The following MSRA variants were observed in gnomAD, a reference collection of about 807,000 sequenced individuals.
MSRA encodes mitochondrial peptide methionine sulfoxide reductase.
Under a neutral mutation model 31.3 loss-of-function variants are expected in MSRA, and 54 were observed. That is an observed-to-expected ratio of 1.73 (90% confidence interval 1.39 to 2.17). The LOEUF is 2.17. Among genes scored for constraint, MSRA ranks in the 30% most tolerant of loss-of-function variants. The pLI, the probability that MSRA is intolerant of heterozygous loss-of-function variation, is 0.00. For synonymous variants in MSRA, 169 were observed against 116.5 expected, an observed-to-expected ratio of 1.45 and a Z score of -2.90; for missense variants, 507 against 300.9, an observed-to-expected ratio of 1.69 and a Z score of -5.07.
intron 5 of MSRA, among the ~76,000 whole-genome samples, chr8:10,375,078 C>G (rs1437812062): frequency 6.6e-6 from 1 of 152,154 alleles, no homozygotes; most frequent in Non-Finnish European, 1.5e-5. Flanking sequence ...CCTGCAGAAC[C>G]GTGAGCCAAA....
chr8:10,365,392 G>T (rs1397132104), intron 5 of MSRA, among the ~76,000 whole-genome samples: 1 of 151,838 alleles, frequency 6.6e-6, no homozygotes, highest in Non-Finnish European at 1.5e-5. Context: ...TCCAAAGTCA[G>T]AATTTACATT....
At chr8:10,230,188 G>C (rs1811346163) in intron 2 of MSRA, among the ~76,000 whole-genome samples, 3 of 152,216 alleles carry the variant, frequency 2.0e-5, no homozygotes, top group African/African-American at 7.2e-5. Context: ...GGGGTTACAG[G>C]GAAGCCAGCA....
chr8:10,176,887 T>C (rs1249815328), intron 1 of MSRA, among the ~76,000 whole-genome samples: 19 of 152,326 alleles, frequency 1.2e-4, no homozygotes, highest in Non-Finnish European at 5.9e-5. Flanking sequence ...ACCTGTATCA[T>C]TCTTCTTGTC....
chr8:10,296,517 G>T (rs1800551581), intron 3 of MSRA, among the ~76,000 whole-genome samples: 1 of 152,200 alleles, frequency 6.6e-6, no homozygotes, highest in Non-Finnish European at 1.5e-5. Flanking sequence ...TAAACTCTGT[G>T]TTGGAATGAT....
chr8:10,174,404 CTA>C (rs1805860195), intron 1 of MSRA, among the ~76,000 whole-genome samples: 1 of 152,074 alleles, frequency 6.6e-6, no homozygotes, highest in South Asian at 2.1e-4. Context: ...GGGAGCAAGT[CTA>C]TGTGTTTGGT....
chr8:10,396,269 C>T (rs1422131503), intron 5 of MSRA, among the ~76,000 whole-genome samples: 1 of 152,228 alleles, frequency 6.6e-6, no homozygotes, highest in Non-Finnish European at 1.5e-5. Flanking sequence ...TGCACTGTCT[C>T]TTCCTCTCCA....
intron 1 of MSRA, among the ~76,000 whole-genome samples, chr8:10,172,454 G>T (rs1022053232): frequency 6.6e-6 from 1 of 152,154 alleles, no homozygotes; most frequent in African/African-American, 2.4e-5. Flanking sequence ...CAGGGCAGGG[G>T]AGGGGGAGGC....
chr8:10,121,934 G>A (rs1023570167), intron 1 of MSRA, among the ~76,000 whole-genome samples: 1 of 151,654 alleles, frequency 6.6e-6, no homozygotes, highest in Non-Finnish European at 1.5e-5. Context: ...TCCTTCCTTG[G>A]GCTCCCAAAG....
At chr8:10,422,739 G>C (rs796663077) in intron 5 of MSRA, among the ~76,000 whole-genome samples, 35 of 152,296 alleles carry the variant, frequency 2.3e-4, no homozygotes, top group African/African-American at 7.9e-4. Context: ...AGCCCTGGGG[G>C]TACCTGGCCC....
chr8:10,342,029 T>A (rs1366051562), intron 5 of MSRA, among the ~76,000 whole-genome samples: 2 of 152,192 alleles, frequency 1.3e-5, no homozygotes, highest in Non-Finnish European at 2.9e-5. Context: ...GAGGTCCTCA[T>A]CTAGGAGCGT....
chr8:10,253,179 C>G (rs1388629370), intron 3 of MSRA, among the ~76,000 whole-genome samples: 1 of 152,198 alleles, frequency 6.6e-6, no homozygotes, highest in African/African-American at 2.4e-5. Context: ...AGTGCCTTTC[C>G]TTCCCCTTCA....
At chr8:10,145,650 A>T (rs1019463629) in intron 1 of MSRA, among the ~76,000 whole-genome samples, 5 of 152,182 alleles carry the variant, frequency 3.3e-5, no homozygotes, top group African/African-American at 1.2e-4. Flanking sequence ...AAATCCTTCA[A>T]TATAAAAATT....
intron 5 of MSRA, among the ~76,000 whole-genome samples, chr8:10,324,322 G>GT (rs1802235703): frequency 6.6e-6 from 1 of 152,202 alleles, no homozygotes; most frequent in Non-Finnish European, 1.5e-5. Flanking sequence ...GGGTGAGCTT[G>GT]TGCGTGTGTT....
At chr8:10,237,639 A>T (rs920799843) in intron 2 of MSRA, among the ~76,000 whole-genome samples, 1 of 152,224 alleles carries the variant, frequency 6.6e-6, no homozygotes, top group African/African-American at 2.4e-5. Context: ...CATTAAAACT[A>T]GCCTGATTAC....
intron 1 of MSRA, among the ~76,000 whole-genome samples, chr8:10,118,233 A>G (rs1330036455): frequency 6.6e-6 from 1 of 152,160 alleles, no homozygotes; most frequent in Non-Finnish European, 1.5e-5. Context: ...TCACTGGAGT[A>G]TATCCTTGAT....
At chr8:10,268,009 A>T (rs1023749238) in intron 3 of MSRA, among the ~76,000 whole-genome samples, 1 of 152,168 alleles carries the variant, frequency 6.6e-6, no homozygotes, top group Non-Finnish European at 1.5e-5. Flanking sequence ...CCTGCGTCAC[A>T]ATGATGGCTT....
chr8:10,277,454 A>G (rs1440223660), intron 3 of MSRA, among the ~76,000 whole-genome samples: 1 of 152,158 alleles, frequency 6.6e-6, no homozygotes, highest in Non-Finnish European at 1.5e-5. Flanking sequence ...TGAGGAGGAA[A>G]CTTTCTAAAA....
intron 3 of MSRA, among the ~76,000 whole-genome samples, chr8:10,268,499 C>G (rs1186940371): frequency 6.6e-6 from 1 of 152,212 alleles, no homozygotes; most frequent in Admixed American, 6.5e-5. Context: ...CCATCCTTCT[C>G]TTTTCTGACA....
intron 5 of MSRA, among the ~76,000 whole-genome samples, chr8:10,378,633 C>T (rs151062789): frequency 8.1e-4 from 123 of 152,320 alleles, no homozygotes; most frequent in African/African-American, 1.6e-3. Flanking sequence ...TCAGCAGCTC[C>T]GCGTCCCTTC....
Sources: gnomAD v4.1 joint callset for allele counts (sites outside exome capture counted in the v4.1 genomes callset) on GRCh38, gnomAD v4.1.1 for gene constraint, MANE v1.5 for transcripts, NCBI Gene and HGNC (gene_info 2026-07-23, HGNC 2026-07-21) for gene names.